TTN: variants seen among roughly 807,000 people sequenced by gnomAD.
TTN encodes connectin.
TTN carries 1,525 observed loss-of-function variants against 3,223.0 expected under a neutral mutation model. The observed-to-expected ratio is 0.47, with a 90% confidence interval of 0.45 to 0.49. The LOEUF is 0.49. Among genes scored for constraint, TTN ranks in the 20% least tolerant of loss-of-function variants. The pLI, the probability that TTN is intolerant of heterozygous loss-of-function variation, is 0.00. For synonymous variants in TTN, 14,094 were observed against 15,161.0 expected (o/e 0.93, Z 5.17); for missense variants, 40,786 against 43,424.0 (o/e 0.94, Z 5.40).
In TTN at chr2:178,730,860, T is replaced by G. The variant is rs961931515; in HGVS notation, c.17740+65A>C. The G allele has an allele frequency of 1.0e-5, 16 of 1,528,682 alleles. No individual in the cohort carries two copies. The African/African-American group carries it at 2.1e-4, about 20-fold the overall frequency. 94.7% of individuals were successfully genotyped at this position (1,528,682 alleles called of 1,614,324 possible). A position where few individuals can be genotyped will look rare whatever the true frequency, so the allele number is the denominator to read the frequency against. On this transcript the variant is annotated intron_variant, in intron 60 of 362. Transcript: ENST00000589042. The stretch of plus-strand genomic sequence containing the variant: ...TACTAATTTGTTTTTGTTTTTTTTT[T>G]TAAATTTTAAGGGAAGAAGGAGCAT...
At position 178,598,600 on chromosome 2, in the gene TTN, T is replaced by G. The variant is rs747343924; in HGVS notation, c.57017A>C (p.Asp19006Ala). 5 of 1,608,506 alleles carry G rather than the reference T, an allele frequency of 3.1e-6. No homozygotes were observed. In the African/African-American group the frequency reaches 5.4e-5, roughly 17 times the overall value. Reference protein sequence around the residue: ...KVTDWTKSSADLEWSPPLKDG... With the variant: ...KVTDWTKSSAALEWSPPLKDG... ...TTTTAGTGGGGGAGACCACTCCAGA[T>G]CTGCAGATGATTTAGTCCAATCTGT... Residue 19006 changes from aspartate to alanine, a missense_variant, in exon 292 of 363, where the codon GAT becomes GCT. By Grantham distance (126) the Asp-to-Ala change is moderately radical. Transcript: ENST00000589042.
rs2058267562 is a variant in TTN, at chr2:178,621,460, C to G, written c.45349+15G>C. ...ATTGTTAGAAATAAAAGATTATTCA[C>G]TGTAGTTTTCATACCATGTACTTTG... On this transcript the variant is annotated intron_variant, in intron 245 of 362. Transcript: ENST00000589042. 1.2e-6 allele frequency: 2 copies of G among 1,607,336 alleles called. No individual in the cohort carries two copies. The highest frequency in any genetic ancestry group is 1.7e-6 in the Non-Finnish European group (2 of 1,177,254).
rs1560317457 is a variant in TTN, at chr2:178,679,622, T to G, written c.33641A>C (p.Lys11214Thr). The stretch of plus-strand genomic sequence containing the variant: ...ACCTTTTGCCGGTGGAGCTTCCTTC[T>G]TCTTGGGAACAGGAACAGGTTTCTT... ...EEKKPVPVPK[K>T]KEAPPAKVPE... The change falls in exon 141 of 363, where the codon AAG (lysine) becomes ACG (threonine). Residue 11214 changes from lysine (K) to threonine (T), a missense_variant. Lys to Thr is a moderately conservative substitution (Grantham distance 78). Transcript: ENST00000589042. 6 of 1,611,786 alleles carry G rather than the reference T, an allele frequency of 3.7e-6. No homozygotes were observed. Among genetic ancestry groups the G allele is most frequent in the Non-Finnish European group, 5.1e-6 (6 of 1,179,138 alleles).
At chr2:178,761,929 T>C (rs1420197072) in intron 43 of TTN, among the ~76,000 whole-genome samples, 1 of 152,000 alleles carries the variant, frequency 6.6e-6, no homozygotes, top group Non-Finnish European at 1.5e-5. Flanking sequence ...AGCAAAAAAA[T>C]AGCTTTTTTA....
chr2:178,613,628 T>C, intron 263 of TTN, 123 bp downstream of exon 263: 8 of 958,282 alleles, frequency 8.3e-6, no homozygotes, highest in Non-Finnish European at 1.0e-5. Context: ...ATAGAAAATA[T>C]GAGTAAAAGT....
intron 47 of TTN, chr2:178,745,801 A>G (rs1560960203): frequency 1.2e-6 from 2 of 1,613,188 alleles, no homozygotes; most frequent in Admixed American, 3.3e-5. Flanking sequence ...CTAAGCACTG[A>G]AAATATGCTG....
Position 178,558,347 on chromosome 2 carries a change from G to T in TTN, c.87112C>A (p.Gln29038Lys), listed in dbSNP as rs372177055. Reference sequence around the variant, plus strand: ...TACACAAAATTAGACATACCTAGTTGCTCCTTAATAAGAACAGGAAGCAGA... The same window carrying T: ...TACACAAAATTAGACATACCTAGTTTCTCCTTAATAAGAACAGGAAGCAGA... ...ELLLPVLIKE[Q>K]LEPPEIDMKN... is the part of the protein sequence containing the mutation. Residue 29038 changes from glutamine to lysine, a missense_variant, in exon 327 of 363, where the codon CAA becomes AAA. By Grantham distance (53) the Gln-to-Lys change is moderately conservative. Transcript: ENST00000589042. 4 of 1,610,724 alleles carry T rather than the reference G, an allele frequency of 2.5e-6. No homozygotes were observed. The highest frequency in any genetic ancestry group is 3.4e-6 in the Non-Finnish European group (4 of 1,179,074).
Position 178,569,141 on chromosome 2 carries a change from T to C in TTN, c.76991A>G (p.Gln25664Arg), listed in dbSNP as rs750836294. The C allele has an allele frequency of 4.3e-6, 7 of 1,613,290 alleles. No individual in the cohort carries two copies. Among genetic ancestry groups the C allele is most frequent in the Non-Finnish European group, 4.2e-6 (5 of 1,179,538 alleles). The change falls in exon 326 of 363, where the codon CAG becomes CGG. Residue 25664 changes from glutamine (Q) to arginine (R), a missense_variant. Physicochemically the swap from Gln to Arg is conservative, Grantham distance 43. Transcript: ENST00000589042. ...NCHKNSWKID[Q>R]LQEGCSYYFR... ...GTAATAACTGCAACCTTCTTGGAGC[T>C]GATCGATTTTCCAAGAATTCTTATG...
At position 178,799,508 on chromosome 2, in the gene TTN, G is replaced by T. The variant is rs1204847903; in HGVS notation, c.893C>A (p.Ala298Glu). The T allele has an allele frequency of 6.2e-7, 1 of 1,614,166 alleles. No homozygotes were observed. Among genetic ancestry groups the T allele is most frequent in the South Asian group, 1.1e-5 (1 of 91,082 alleles). The change falls in exon 6 of 363, where the codon GCA (alanine) becomes GAA (glutamate). Residue 298 changes from alanine to glutamate, a missense_variant. By Grantham distance (107) the Ala-to-Glu change is moderately radical. Transcript: ENST00000589042. ...TTACCTGACCGGAGATGGGGTCGGT[G>T]CCCGCACGTGTCTGACCGGGGAAGG... ...HSPSPVRHVRAPTPSPVRSVS... is the reference protein window; with the variant it reads ...HSPSPVRHVREPTPSPVRSVS...
Position 178,538,594 on chromosome 2 carries a change from T to C in TTN, c.99235A>G (p.Thr33079Ala), listed in dbSNP as rs1442558441. 1.2e-6 allele frequency: 2 copies of C among 1,613,536 alleles called. No individual in the cohort carries two copies. Among genetic ancestry groups the C allele is most frequent in the Non-Finnish European group, 1.7e-6 (2 of 1,179,698 alleles). ...GTTCTGCGAGGTCTGCTCAGCCCAG[T>C]CTCATTCTCAGCAAAAACCCTGAAT... ...YEFRVFAENE[T>A]GLSRPRRTAM... The change falls in exon 354 of 363, where the codon ACT becomes GCT. Residue 33079 changes from threonine to alanine, a missense_variant. Physicochemically the swap from Thr to Ala is moderately conservative, Grantham distance 58. Transcript: ENST00000589042.
chr2:178,633,180 G>A lies in TTN; in HGVS notation c.43086+7C>T. On this transcript the variant is annotated splice_region_variant and intron_variant, in intron 233 of 362. Coordinates refer to ENST00000589042, the MANE Select transcript of TTN (RefSeq NM_001267550.2). ...CTCTCCTATATAATTAGCTAATCTT[G>A]ACTTACAGGGGAAGCTGTCAAAGGC... The A allele has an allele frequency of 1.2e-6, 2 of 1,609,414 alleles. No individual in the cohort carries two copies. The highest frequency in any genetic ancestry group is 1.7e-6 in the Non-Finnish European group (2 of 1,177,122).
At position 178,530,917 on chromosome 2, in the gene TTN, C is replaced by G. The variant is rs1425849774; in HGVS notation, c.105698G>C (p.Arg35233Thr). 1.2e-5 allele frequency: 19 copies of G among 1,613,930 alleles called. No individual in the cohort carries two copies. Among genetic ancestry groups the G allele is most frequent in the Non-Finnish European group, 1.6e-5 (19 of 1,179,868 alleles). ...CACCCGAGGCTCTGGGGATTTGACT[C>G]TTGGTGGTGATGTCACAGCCTTTTC... The part of the protein sequence containing the change: ...VTEKAVTSPP[R>T]VKSPEPRVKS... Residue 35233 changes from arginine (R) to threonine (T), a missense_variant, in exon 358 of 363, where the codon AGA (arginine) becomes ACA (threonine). Arg to Thr is a moderately conservative substitution (Grantham distance 71). Coordinates refer to ENST00000589042, the MANE Select transcript of TTN (RefSeq NM_001267550.2).
chr2:178,707,050 G>A, intron 100 of TTN, 96 bp from the exon 101 acceptor site: 3 of 1,057,068 alleles, frequency 2.8e-6, no homozygotes, highest in Non-Finnish European at 4.0e-6. Flanking sequence ...TTGGCAGTTT[G>A]ATAAGTAAGT....
Position 178,689,897 on chromosome 2 carries a change from C to T in TTN, c.31763-1G>A, listed in dbSNP as rs202234172. 844 of 1,612,568 alleles carry T rather than the reference C, an allele frequency of 5.2e-4. No homozygotes were observed. Among genetic ancestry groups the T allele is most frequent in the Non-Finnish European group, 6.9e-4 (808 of 1,179,312 alleles). On this transcript the variant is annotated splice_acceptor_variant, in intron 121 of 362. Transcript: ENST00000589042. LOFTEE classifies it high-confidence loss of function. ...ACAGGTTTCTTTGGCACCTCTGGGACTTAAAGTTTTTGAAACACAATGTTA... is the reference window on the plus strand; with the variant it reads ...ACAGGTTTCTTTGGCACCTCTGGGATTTAAAGTTTTTGAAACACAATGTTA...
rs1246425366 is a variant in TTN, at chr2:178,547,922, A to G, written c.93704T>C (p.Ile31235Thr). 6.8e-6 allele frequency: 11 copies of G among 1,613,830 alleles called. No homozygotes were observed. Among genetic ancestry groups the G allele is most frequent in the Admixed American group, 1.7e-5 (1 of 59,980 alleles). The change falls in exon 339 of 363, where the codon ATT becomes ACT. Residue 31235 changes from isoleucine (I) to threonine (T), a missense_variant. By Grantham distance (89) the Ile-to-Thr change is moderately conservative (BLOSUM62 -1). Coordinates refer to ENST00000589042, the MANE Select transcript of TTN (RefSeq NM_001267550.2). ...AGGACGACCACTGATTGGTACGTCA[A>G]TGGTAAATGGGCTTCCTGCTTTGCA... ...ITCKAGSPFT[I>T]DVPISGRPAP...
chr2:178,727,013 A>C (rs1175595371), intron 69 of TTN, 77 bp downstream of exon 69: 1 of 1,271,364 alleles, frequency 7.9e-7, no homozygotes, highest in Non-Finnish European at 1.0e-6. Context: ...AAATGATAGT[A>C]AATGAATAAA....
At chr2:178,786,243 A>C (rs2093171622) in intron 13 of TTN, 102 bp from the exon 14 acceptor site, 2 of 1,219,952 alleles carry the variant, frequency 1.6e-6, no homozygotes, top group South Asian at 2.6e-5. Flanking sequence ...ATTATACAGC[A>C]GTGTTAACGT....
At position 178,739,311 on chromosome 2, in the gene TTN, T is replaced by C; in HGVS notation, c.13922A>G (p.Asn4641Ser). The C allele has an allele frequency of 6.2e-7, 1 of 1,613,618 alleles. No homozygotes were observed. Among genetic ancestry groups the C allele is most frequent in the South Asian group, 1.1e-5 (1 of 91,068 alleles). Reference sequence around the variant, plus strand: ...CTTTTCATCTGAAGGCACCAGTTTATTCTCAAAATACCAATTCACCTCTTT... The same window carrying C: ...CTTTTCATCTGAAGGCACCAGTTTACTCTCAAAATACCAATTCACCTCTTT... ...NAKEVNWYFE[N>S]KLVPSDEKFK... Residue 4641 changes from asparagine (N) to serine (S), a missense_variant, in exon 48 of 363, where the codon AAT becomes AGT. By Grantham distance (46) the Asn-to-Ser change is conservative. Transcript: ENST00000589042.
intron 44 of TTN, 83 bp downstream of exon 44, chr2:178,758,901 C>T: frequency 1.5e-6 from 2 of 1,351,446 alleles, no homozygotes; most frequent in African/African-American, 1.4e-5. Flanking sequence ...CAATGATTTA[C>T]ATGAACTCTT....
Sources: allele counts gnomAD v4.1 joint callset (sites outside exome capture counted in the v4.1 genomes callset), GRCh38; gene constraint gnomAD v4.1.1; transcripts MANE v1.5; gene names NCBI Gene and HGNC (gene_info 2026-07-23, HGNC 2026-07-21).